The following NKAIN3 variants were observed in gnomAD, a reference collection of about 807,000 sequenced individuals.
NKAIN3 encodes sodium/potassium-transporting ATPase subunit beta-1-interacting protein 3.
Under a neutral mutation model 30.2 loss-of-function variants are expected in NKAIN3, and 25 were observed. That is an observed-to-expected ratio of 0.83 (90% CI 0.60 to 1.16). The LOEUF is 1.16. NKAIN3 is among the 50% of genes most tolerant of loss of function. The pLI, the probability that NKAIN3 is intolerant of heterozygous loss-of-function variation, is 0.00. For missense variants in NKAIN3, 225 were observed against 254.1 expected (o/e 0.89, Z 0.78); for synonymous variants, 91 against 89.6 (o/e 1.02, Z -0.09).
chr8:62,965,939 C>T lies in NKAIN3; in HGVS notation c.*532C>T, dbSNP rs1393875751. The T allele has an allele frequency of 5.1e-6, 5 of 984,802 alleles. No individual in the cohort carries two copies. In the African/African-American group the frequency reaches 7.0e-5, roughly 14 times the overall value. The allele number at this position is 984,802 out of a possible 1,614,324, so 61.0% of individuals were successfully genotyped here. ...GGGTCATTTTTTCAACAGCATAAAA[C>T]AAAACATGGAGTCCTCCTTTGTTCC... On this transcript the variant is annotated 3_prime_UTR_variant, in exon 7 of 7. Coordinates refer to ENST00000623646, the MANE Select transcript of NKAIN3 (RefSeq NM_001304533.3).
At chr8:62,394,904 G>T (rs78144432) in intron 1 of NKAIN3, among the ~76,000 whole-genome samples, 2 of 150,002 alleles carry the variant, frequency 1.3e-5, no homozygotes, top group Non-Finnish European at 3.0e-5. Context: ...CCGACGGGGC[G>T]GCGGCTGGAC....
intron 3 of NKAIN3, among the ~76,000 whole-genome samples, chr8:62,682,342 CCCCAGGGAAG>C (rs1017720219): frequency 2.6e-5 from 4 of 152,050 alleles, no homozygotes; most frequent in Admixed American, 1.3e-4. Context: ...CTCTCTCAGT[CCCCAGGGAAG>C]CCATTTCTGG....
intron 1 of NKAIN3, among the ~76,000 whole-genome samples, chr8:62,355,585 A>G (rs1255669582): frequency 1.3e-5 from 2 of 152,186 alleles, no homozygotes; most frequent in African/African-American, 4.8e-5. Context: ...ACCAGTCTAA[A>G]TGTACAAAGT....
intron 1 of NKAIN3, among the ~76,000 whole-genome samples, chr8:62,421,094 A>G (rs1804625620): frequency 6.6e-6 from 1 of 152,184 alleles, no homozygotes; most frequent in Non-Finnish European, 1.5e-5. Flanking sequence ...TGAGGATTAT[A>G]AACCAGAGCA....
chr8:62,422,413 T>C (rs1033929359), intron 1 of NKAIN3, among the ~76,000 whole-genome samples: 1 of 152,166 alleles, frequency 6.6e-6, no homozygotes, highest in Non-Finnish European at 1.5e-5. Flanking sequence ...TGCTATGCCA[T>C]GTAAATAGTC....
chr8:62,849,927 G>A lies in NKAIN3; in HGVS notation c.472-68526G>A, dbSNP rs1219555152. Reference sequence around the variant, plus strand: ...CTGCAGTAAACATATGTGTGCATGTGTCTTTATAGCAGCATGATTTATAAT... The same window carrying A: ...CTGCAGTAAACATATGTGTGCATGTATCTTTATAGCAGCATGATTTATAAT... On this transcript the variant is annotated intron_variant, in intron 4 of 6. Transcript: ENST00000623646. Among the ~76,000 whole-genome samples, 3 of 152,040 alleles carry A rather than the reference G, an allele frequency of 2.0e-5. No homozygotes were observed. In the East Asian group the frequency reaches 5.8e-4, roughly 29 times the overall value.
chr8:62,716,615 T>G (rs1330725873), intron 3 of NKAIN3, among the ~76,000 whole-genome samples: 1 of 152,170 alleles, frequency 6.6e-6, no homozygotes, highest in Non-Finnish European at 1.5e-5. Flanking sequence ...GTTCTTTATT[T>G]TTAAAGTAGG....
At chr8:62,568,050 G>A (rs902934802) in intron 1 of NKAIN3, among the ~76,000 whole-genome samples, 1 of 152,134 alleles carries the variant, frequency 6.6e-6, no homozygotes, top group Admixed American at 6.5e-5. Context: ...TCTGAAAAGT[G>A]CAACTTTCCT....
chr8:62,806,716 A>T (rs1251330873), intron 4 of NKAIN3, among the ~76,000 whole-genome samples: 1 of 152,058 alleles, frequency 6.6e-6, no homozygotes, highest in Non-Finnish European at 1.5e-5. Flanking sequence ...ATGATGAGTT[A>T]ATGGGTGCAG....
intron 5 of NKAIN3, among the ~76,000 whole-genome samples, chr8:62,945,198 G>A (rs1337842131): frequency 6.6e-6 from 1 of 152,136 alleles, no homozygotes; most frequent in Non-Finnish European, 1.5e-5. Flanking sequence ...AGTAAATAGT[G>A]ATAAGTATAA....
At chr8:62,280,184 T>C (rs1813129219) in intron 1 of NKAIN3, among the ~76,000 whole-genome samples, 3 of 139,786 alleles carry the variant, frequency 2.1e-5, no homozygotes, top group Non-Finnish European at 4.7e-5. Context: ...TTGTCTGTTA[T>C]TGGTGTATAA....
chr8:62,882,469 C>T (rs1821016218), intron 4 of NKAIN3, among the ~76,000 whole-genome samples: 1 of 152,102 alleles, frequency 6.6e-6, no homozygotes, highest in African/African-American at 2.4e-5. Flanking sequence ...AGGCATCCAT[C>T]ACCCTGTCTG....
intron 4 of NKAIN3, among the ~76,000 whole-genome samples, chr8:62,804,631 G>A (rs1311643804): frequency 2.6e-5 from 4 of 152,102 alleles, no homozygotes; most frequent in Admixed American, 1.3e-4. Flanking sequence ...CAATAAATTA[G>A]GTATTGATGG....
At chr8:62,652,375 A>G (rs2130334503) in intron 3 of NKAIN3, among the ~76,000 whole-genome samples, 1 of 152,304 alleles carries the variant, frequency 6.6e-6, no homozygotes, top group Non-Finnish European at 1.5e-5. Flanking sequence ...ACCAATTAAT[A>G]AACTATGCAA....
chr8:62,423,918 T>G (rs1340446402), intron 1 of NKAIN3, among the ~76,000 whole-genome samples: 2 of 152,068 alleles, frequency 1.3e-5, no homozygotes, highest in Admixed American at 1.3e-4. Context: ...TATTTTTACT[T>G]AGCTGAACAC....
At chr8:62,856,386 G>T (rs1240970023) in intron 4 of NKAIN3, 3 of 820,898 alleles carry the variant, frequency 3.7e-6, no homozygotes, top group Non-Finnish European at 6.6e-6. Flanking sequence ...CTAGTTTGCT[G>T]GATTCCTCAA....
At chr8:62,513,741 C>T (rs1807888240) in intron 1 of NKAIN3, among the ~76,000 whole-genome samples, 1 of 150,718 alleles carries the variant, frequency 6.6e-6, no homozygotes. Flanking sequence ...TGTGGTGGCG[C>T]ACACATGTAG....
chr8:62,568,656 C>G (rs1809829768), intron 1 of NKAIN3, among the ~76,000 whole-genome samples: 1 of 152,076 alleles, frequency 6.6e-6, no homozygotes, highest in South Asian at 2.1e-4. Context: ...AAGATGTGAT[C>G]CACAGTTCCT....
chr8:62,471,241 T>G (rs966004266), intron 1 of NKAIN3, among the ~76,000 whole-genome samples: 11 of 152,146 alleles, frequency 7.2e-5, no homozygotes, highest in Middle Eastern at 6.8e-3. Flanking sequence ...TGGATAGTCC[T>G]GGGGAGGGCG....
Sources: allele counts gnomAD v4.1 joint callset (sites outside exome capture counted in the v4.1 genomes callset), GRCh38; gene constraint gnomAD v4.1.1; transcripts MANE v1.5; gene names NCBI Gene and HGNC (gene_info 2026-07-23, HGNC 2026-07-21).